SYCP2L: variants seen among roughly 807,000 people sequenced by gnomAD.
SYCP2L encodes synaptonemal complex protein 2 like, also known as synaptonemal complex protein 2-like.
Under a neutral mutation model 125.8 loss-of-function variants are expected in SYCP2L, and 98 were observed. The observed-to-expected ratio is 0.78, with a 90% confidence interval of 0.66 to 0.92. The LOEUF (loss-of-function observed/expected upper bound fraction) is 0.92, where lower values mean the gene tolerates loss of function less well. Among genes scored for constraint, SYCP2L ranks in the 40% least tolerant of loss-of-function variants. The pLI is 0.00. For synonymous variants in SYCP2L, 317 were observed against 325.4 expected, an observed-to-expected ratio of 0.97 and a Z score of 0.28; for missense variants, 842 against 936.4, an observed-to-expected ratio of 0.90 and a Z score of 1.32.
intron 23 of SYCP2L, among the ~76,000 whole-genome samples, chr6:10,950,577 G>A (rs1159723372): frequency 6.6e-6 from 1 of 152,038 alleles, no homozygotes; most frequent in Non-Finnish European, 1.5e-5. Flanking sequence ...ACAGTCTAAG[G>A]TCCAATTGGT....
In SYCP2L at chr6:10,898,046, G is replaced by T; in HGVS notation, c.372G>T (p.Leu124=). 6.2e-7 allele frequency: 1 copy of T among 1,614,106 alleles called. No homozygotes were observed. Among genetic ancestry groups the T allele is most frequent in the South Asian group, 1.1e-5 (1 of 91,068 alleles). The change falls in exon 5 of 30, where the codon CTG becomes CTT. Residue 124 remains leucine, a synonymous_variant. Transcript: ENST00000283141. The part of the protein sequence containing the change: ...VSWFERTTGI[L]TSEGLASDTS... ...GGTTTGAAAGAACAACAGGAATTCT[G>T]ACCTCGGAAGGCCTAGCCTCAGACA...
At chr6:10,940,452 A>C (rs56104879) in intron 21 of SYCP2L, among the ~76,000 whole-genome samples, 4,221 of 152,320 alleles carry the variant, frequency 0.028, 189 homozygotes, top group African/African-American at 0.096. Context: ...GGATGAATGA[A>C]TATAGAAAAT....
At chr6:10,963,951 G>A in intron 29 of SYCP2L, 108 bp downstream of exon 29, 7 of 770,980 alleles carry the variant, frequency 9.1e-6, no homozygotes. Flanking sequence ...TTCTGCAGCG[G>A]AACTTCTCCA....
chr6:10,959,406 G>A (rs377465391), intron 26 of SYCP2L, among the ~76,000 whole-genome samples: 129 of 152,336 alleles, frequency 8.5e-4, no homozygotes, highest in African/African-American at 3.0e-3. Context: ...GGGAAAGGAG[G>A]AGCTGTGGTT....
At position 10,931,459 on chromosome 6, in the gene SYCP2L, C is replaced by T. The variant is rs757318578; in HGVS notation, c.1653C>T (p.Pro551=). 24 of 1,613,940 alleles carry T rather than the reference C, an allele frequency of 1.5e-5. 1 individual carries two copies. The highest frequency in any genetic ancestry group is 2.0e-5 in the Non-Finnish European group (24 of 1,179,980). The change falls in exon 20 of 30, where the codon CCC becomes CCT. Residue 551 remains proline, a synonymous_variant. Coordinates refer to ENST00000283141, the MANE Select transcript of SYCP2L (RefSeq NM_001040274.3). ...ATTTAGTCTTGCCAGTTTTCCCTCCCAGTAGTGGCAGTGGCCATGAGAAAG... is the reference window on the plus strand; with the variant it reads ...ATTTAGTCTTGCCAGTTTTCCCTCCTAGTAGTGGCAGTGGCCATGAGAAAG... ...SNLRILPVFP[P]SSGSGHEKDQ...
At chr6:10,929,280 G>A (rs756614470) in intron 18 of SYCP2L, among the ~76,000 whole-genome samples, 7 of 152,154 alleles carry the variant, frequency 4.6e-5, no homozygotes, top group Non-Finnish European at 1.0e-4. Context: ...CTTCATTTGG[G>A]ATCTAGAGAC....
intron 21 of SYCP2L, among the ~76,000 whole-genome samples, chr6:10,941,467 C>G (rs1198318482): frequency 6.6e-6 from 1 of 152,052 alleles, no homozygotes; most frequent in African/African-American, 2.4e-5. Flanking sequence ...AAAAAAACAA[C>G]CCCATCCAAA....
chr6:10,911,756 G>A (rs539434013), intron 12 of SYCP2L, among the ~76,000 whole-genome samples: 1 of 152,180 alleles, frequency 6.6e-6, no homozygotes, highest in Non-Finnish European at 1.5e-5. Flanking sequence ...GTGGGTGAAA[G>A]CCCTCATTCA....
Position 10,894,140 on chromosome 6 carries a change from G to A in SYCP2L, c.272G>A (p.Arg91Gln), listed in dbSNP as rs370377149. 16 of 1,613,486 alleles carry A rather than the reference G, an allele frequency of 9.9e-6. No individual in the cohort carries two copies. The highest frequency in any genetic ancestry group is 2.2e-5 in the East Asian group (1 of 44,866). Residue 91 changes from arginine (R) to glutamine (Q), a missense_variant, in exon 4 of 30, where the codon CGA (arginine) becomes CAA (glutamine). Arg to Gln is a conservative substitution (Grantham distance 43). Coordinates refer to ENST00000283141, the MANE Select transcript of SYCP2L (RefSeq NM_001040274.3). The stretch of plus-strand genomic sequence containing the variant: ...TCACTGTTGCTGAAATGTATTCAGC[G>A]ATTCCTCGTAGATGGCCTGAAAGAA... ...SVSLLLKCIQ[R>Q]FLVDGLKEDE...
intron 21 of SYCP2L, among the ~76,000 whole-genome samples, chr6:10,941,417 A>G (rs1005060241): frequency 2.6e-5 from 4 of 152,224 alleles, no homozygotes; most frequent in African/African-American, 9.7e-5. Context: ...ACAAAGGGCT[A>G]ATATCCAGAA....
At chr6:10,935,402 G>A (rs531336488) in intron 21 of SYCP2L, among the ~76,000 whole-genome samples, 1 of 152,084 alleles carries the variant, frequency 6.6e-6, no homozygotes, top group Non-Finnish European at 1.5e-5. Context: ...AAGAATTGCT[G>A]GTCTCTTCTT....
chr6:10,920,563 C>G (rs1780778495), intron 14 of SYCP2L, among the ~76,000 whole-genome samples: 1 of 152,196 alleles, frequency 6.6e-6, no homozygotes, highest in Non-Finnish European at 1.5e-5. Flanking sequence ...GCTTGCAGCA[C>G]AGAGAGTGCC....
Position 10,954,764 on chromosome 6 carries a change from C to T in SYCP2L, c.1955-352C>T, listed in dbSNP as rs1425463628. Among the ~76,000 whole-genome samples, 1 of 152,134 alleles carries T rather than the reference C, an allele frequency of 6.6e-6. No homozygotes were observed. The highest frequency in any genetic ancestry group is 1.5e-5 in the Non-Finnish European group (1 of 68,032). On this transcript the variant is annotated intron_variant, in intron 23 of 29. Coordinates refer to ENST00000283141, the MANE Select transcript of SYCP2L (RefSeq NM_001040274.3). The surrounding 1 kb of genome is among the most constrained non-coding windows in gnomAD (Gnocchi z 4.8). ...GAAGCACTTCCAAAGGCCCATCTGC[C>T]TGGAAACCTTGCTGTCTTGCTATTT...
rs756843859 is a variant in SYCP2L at position 10,893,869 on chromosome 6, T to G, written c.81T>G (p.Leu27=). The G allele has an allele frequency of 1.9e-6, 3 of 1,605,798 alleles. No individual in the cohort carries two copies. The highest frequency in any genetic ancestry group is 2.5e-6 in the Non-Finnish European group (3 of 1,178,458). Residue 27 remains leucine, a splice_region_variant and synonymous_variant, in exon 3 of 30, where the codon CTT becomes CTG. Transcript: ENST00000283141. Reference sequence around the variant, plus strand: ...TTTGCAAACTATCATCTTTCCAGCTTCAATCACTTATTACGGATGCATTCC... The same window carrying G: ...TTTGCAAACTATCATCTTTCCAGCTGCAATCACTTATTACGGATGCATTCC... ...TGKAQDDAFW[L]QSLITDAFHD...
At chr6:10,930,315 C>T in intron 18 of SYCP2L, 55 bp from the exon 19 acceptor site, 2 of 1,552,740 alleles carry the variant, frequency 1.3e-6, no homozygotes, top group South Asian at 1.2e-5. Flanking sequence ...TTTAGTTATA[C>T]ATAAGAGGCA....
chr6:10,890,217 G>T (rs1243077283), intron 1 of SYCP2L, among the ~76,000 whole-genome samples: 4 of 152,042 alleles, frequency 2.6e-5, no homozygotes, highest in African/African-American at 9.7e-5. Context: ...CTTTTCTTTT[G>T]GATATATCTC....
chr6:10,967,079 A>C (rs1781694002), intron 29 of SYCP2L, among the ~76,000 whole-genome samples: 1 of 152,176 alleles, frequency 6.6e-6, no homozygotes, highest in South Asian at 2.1e-4. Context: ...AATAAATTTG[A>C]AAACTTAGAT....
At chr6:10,891,675 G>A in intron 2 of SYCP2L, 94 bp downstream of exon 2, 1 of 804,226 alleles carries the variant, frequency 1.2e-6, no homozygotes, top group African/African-American at 1.8e-5. Flanking sequence ...ATGTGTATAT[G>A]AGTGTATGTA....
chr6:10,953,846 T>C (rs1781452342), intron 23 of SYCP2L, among the ~76,000 whole-genome samples: 1 of 152,076 alleles, frequency 6.6e-6, no homozygotes, highest in South Asian at 2.1e-4. Context: ...TGTGAAGAGT[T>C]GGGAGGCTAC....
Sources: gnomAD v4.1 joint callset for allele counts (sites outside exome capture counted in the v4.1 genomes callset) on GRCh38, gnomAD v4.1.1 for gene constraint, Gnocchi (gnomAD v3.1) non-coding constraint, MANE v1.5 for transcripts, NCBI Gene and HGNC (gene_info 2026-07-23, HGNC 2026-07-21) for gene names.